The following TCERG1L variants were observed in gnomAD, a reference collection of about 807,000 sequenced individuals.
TCERG1L encodes the protein transcription elongation regulator 1-like protein.
In TCERG1L, 37 loss-of-function variants were observed where a neutral mutation model predicts 56.3. The observed-to-expected ratio is 0.66, with a 90% CI of 0.51 to 0.87. TCERG1L has a LOEUF of 0.87. Among genes scored for constraint, TCERG1L ranks in the 40% least tolerant of loss-of-function variants. The pLI is 0.00. For synonymous variants in TCERG1L, 324 were observed against 326.3 expected (o/e 0.99, Z 0.08); for missense variants, 799 against 774.2 (o/e 1.03, Z -0.38).
At chr10:131,178,762 C>G (rs529821459) in intron 4 of TCERG1L, among the ~76,000 whole-genome samples, 1 of 152,310 alleles carries the variant, frequency 6.6e-6, no homozygotes, top group Non-Finnish European at 1.5e-5. Flanking sequence ...GGCATCTGCC[C>G]GTTCTATGCG....
chr10:131,240,601 G>C (rs959174012), intron 4 of TCERG1L, among the ~76,000 whole-genome samples: 1 of 152,174 alleles, frequency 6.6e-6, no homozygotes, highest in South Asian at 2.1e-4. Context: ...TGCTGGAGAC[G>C]GGACAGCACC....
At chr10:131,167,023 T>G in intron 4 of TCERG1L, 138 bp from the exon 5 acceptor site, 1 of 706,802 alleles carries the variant, frequency 1.4e-6, no homozygotes, top group African/African-American at 1.8e-5. Flanking sequence ...AAGGTGGCAT[T>G]GCCCTGTCCT....
intron 4 of TCERG1L, among the ~76,000 whole-genome samples, chr10:131,178,019 G>A (rs1047558208): frequency 2.0e-5 from 3 of 152,100 alleles, no homozygotes; most frequent in South Asian, 2.1e-4. Flanking sequence ...TCCACATTCC[G>A]GGACAGTCAC....
chr10:131,262,667 G>A lies in TCERG1L; in HGVS notation c.671-2223C>T, dbSNP rs76041586. On this transcript the variant is annotated intron_variant, in intron 3 of 11. Coordinates refer to ENST00000368642, the MANE Select transcript of TCERG1L (RefSeq NM_174937.4). ...ATGGCACCTTATTAACTATGGCCACGGTGTTCACTGGGGTTCACCCTTTGT... is the reference window on the plus strand; with the variant it reads ...ATGGCACCTTATTAACTATGGCCACAGTGTTCACTGGGGTTCACCCTTTGT... 2.4e-3 allele frequency among the ~76,000 whole-genome samples: 359 copies of A among 152,210 alleles called. 3 individuals are homozygous for A. In the East Asian group the frequency reaches 0.026, roughly 11 times the overall value.
At chr10:131,263,618 G>A (rs185399020) in intron 3 of TCERG1L, among the ~76,000 whole-genome samples, 326 of 152,268 alleles carry the variant, frequency 2.1e-3, no homozygotes, top group Non-Finnish European at 4.0e-3. Context: ...CACCTCCATC[G>A]TAATAGGTGC....
At chr10:131,296,951 T>C (rs1846699192) in intron 3 of TCERG1L, among the ~76,000 whole-genome samples, 1 of 152,248 alleles carries the variant, frequency 6.6e-6, no homozygotes, top group African/African-American at 2.4e-5. Flanking sequence ...CCTGCAACCT[T>C]GCTAAACTTC....
intron 7 of TCERG1L, among the ~76,000 whole-genome samples, chr10:131,138,630 G>A (rs887245940): frequency 5.3e-5 from 8 of 152,158 alleles, no homozygotes; most frequent in East Asian, 3.8e-4. Flanking sequence ...TAATGCAAAC[G>A]GAGTTAACTG....
intron 4 of TCERG1L, among the ~76,000 whole-genome samples, chr10:131,245,006 C>T (rs1159121636): frequency 1.3e-5 from 2 of 152,158 alleles, no homozygotes; most frequent in Middle Eastern, 3.2e-3. Context: ...TGGGAGTGTG[C>T]TGGGCACAGG....
intron 4 of TCERG1L, among the ~76,000 whole-genome samples, chr10:131,218,090 G>A (rs2918156): frequency 0.05 from 7,610 of 152,132 alleles, 235 homozygotes; most frequent in African/African-American, 0.073. Context: ...AGCCAGTCCC[G>A]GTGGCCCCAG....
At chr10:131,190,692 A>G (rs748609543) in intron 4 of TCERG1L, among the ~76,000 whole-genome samples, 2 of 143,878 alleles carry the variant, frequency 1.4e-5, no homozygotes, top group Non-Finnish European at 3.1e-5. Flanking sequence ...AACTCCCAAC[A>G]AACTAGGCAT....
In TCERG1L at chr10:131,270,982, G is replaced by A. The variant is rs1589767982; in HGVS notation, c.671-10538C>T. Among the ~76,000 whole-genome samples the A allele has an allele frequency of 1.3e-5, 2 of 152,086 alleles. 1 individual carries two copies. Among genetic ancestry groups the A allele is most frequent in the South Asian group, 4.1e-4 (2 of 4,826 alleles). Reference sequence around the variant, plus strand: ...ACAGGGCTTCCCAGAGACTCTCCTGGGCCTCACTAGGTCCCACCCTGGGGC... The same window carrying A: ...ACAGGGCTTCCCAGAGACTCTCCTGAGCCTCACTAGGTCCCACCCTGGGGC... On this transcript the variant is annotated intron_variant, in intron 3 of 11. Transcript: ENST00000368642.
intron 4 of TCERG1L, among the ~76,000 whole-genome samples, chr10:131,173,111 G>A (rs1808826): frequency 0.46 from 69,779 of 151,654 alleles, 19,143 homozygotes; most frequent in South Asian, 0.68. Flanking sequence ...GGCTGGTCTC[G>A]AACTCCTGAC....
At chr10:131,187,809 T>C (rs370812475) in intron 4 of TCERG1L, among the ~76,000 whole-genome samples, 2 of 152,156 alleles carry the variant, frequency 1.3e-5, no homozygotes, top group African/African-American at 4.8e-5. Flanking sequence ...CGGCACTCCA[T>C]CCTGCTGCAC....
intron 2 of TCERG1L, 59 bp from the exon 3 acceptor site, chr10:131,308,450 A>C: frequency 6.9e-7 from 1 of 1,440,006 alleles, no homozygotes; most frequent in Non-Finnish European, 9.6e-7. Context: ...AAAGCTGAGC[A>C]TGACCATGAA....
intron 4 of TCERG1L, among the ~76,000 whole-genome samples, chr10:131,172,467 TG>T (rs1784068283): frequency 6.6e-6 from 1 of 152,260 alleles, no homozygotes; most frequent in Admixed American, 6.5e-5. Context: ...AGGAGGGCGT[TG>T]ACTCACAGAT....
At chr10:131,309,730 T>C (rs11017872) in intron 1 of TCERG1L, among the ~76,000 whole-genome samples, 5,880 of 151,850 alleles carry the variant, frequency 0.039, 194 homozygotes, top group Middle Eastern at 0.072. Flanking sequence ...TAATTACTTT[T>C]GTCGTTTTAC....
intron 8 of TCERG1L, among the ~76,000 whole-genome samples, chr10:131,123,142 C>A (rs556482227): frequency 6.6e-6 from 1 of 152,174 alleles, no homozygotes; most frequent in African/African-American, 2.4e-5. Flanking sequence ...GGTTAGCACG[C>A]GGCTGCTGAT....
At chr10:131,176,592 A>G (rs1357152976) in intron 4 of TCERG1L, among the ~76,000 whole-genome samples, 1 of 151,610 alleles carries the variant, frequency 6.6e-6, no homozygotes, top group Admixed American at 6.6e-5. Flanking sequence ...ACCAAAACAC[A>G]TGCACACACA....
rs1008600350 is a variant in TCERG1L, at chr10:131,231,740, A to G, written c.856+28519T>C. On this transcript the variant is annotated intron_variant, in intron 4 of 11. Coordinates refer to ENST00000368642, the MANE Select transcript of TCERG1L (RefSeq NM_174937.4). The stretch of plus-strand genomic sequence containing the variant: ...CACGTGGGGGGAAGTCAGTGCTAAG[A>G]TTTTATCCAATAAAATACGATTTTA... Among the ~76,000 whole-genome samples, 3 of 152,190 alleles carry G rather than the reference A, an allele frequency of 2.0e-5. No individual in the cohort carries two copies. The East Asian group carries it at 5.8e-4, about 30-fold the overall frequency.
Sources: gnomAD v4.1 joint callset for allele counts (sites outside exome capture counted in the v4.1 genomes callset) on GRCh38, gnomAD v4.1.1 for gene constraint, MANE v1.5 for transcripts, NCBI Gene and HGNC (gene_info 2026-07-23, HGNC 2026-07-21) for gene names.